Variants in SRSF7 observed in about 807,000 individuals in gnomAD.
The protein encoded by SRSF7 is serine/arginine-rich splicing factor 7.
SRSF7 carries 15 observed loss-of-function variants against 42.2 expected under a neutral mutation model. The ratio of observed to expected loss-of-function variants is 0.36; its 90% CI spans 0.24 to 0.55. The LOEUF is 0.55. SRSF7 is among the 20% of genes least tolerant of loss of function. The probability of loss-of-function intolerance (pLI) is 0.88; values close to 1 mark genes in which losing one functional copy is unlikely to be tolerated. For synonymous variants in SRSF7, 138 were observed against 107.9 expected, an observed-to-expected ratio of 1.28 and a Z score of -1.73; for missense variants, 181 against 305.9, an observed-to-expected ratio of 0.59 and a Z score of 3.04.
chr2:38,746,924 C>A lies in SRSF7; in HGVS notation c.573-177G>T, dbSNP rs184153419. 9.7e-4 allele frequency: 1,035 copies of A among 1,066,894 alleles called. 9 individuals carry two copies. The highest frequency in any genetic ancestry group is 8.1e-3 in the East Asian group (309 of 37,950). 66.1% of individuals were successfully genotyped at this position (1,066,894 alleles called of 1,614,324 possible). A position where few individuals can be genotyped will look rare whatever the true frequency, so the allele number is the denominator to read the frequency against. On this transcript the variant is annotated intron_variant, in intron 5 of 7. Coordinates refer to ENST00000313117, the MANE Select transcript of SRSF7 (RefSeq NM_001031684.3). ...CAAAGTGTTACCAGACATAAGGAAC[C>A]CCCATTTCAATTACTTGTTTCTATC... is the stretch of plus-strand genomic sequence containing the variant.
chr2:38,749,117 G>C, intron 3 of SRSF7: 14 of 1,316,430 alleles, frequency 1.1e-5, no homozygotes, highest in Non-Finnish European at 1.3e-5. Flanking sequence ...CCGGAGGGGG[G>C]CCCCAATTGT....
chr2:38,749,381 G>A, intron 3 of SRSF7, 148 bp downstream of exon 3: 1 of 1,541,836 alleles, frequency 6.5e-7, no homozygotes, highest in Non-Finnish European at 8.7e-7. Context: ...TATTAATATA[G>A]TAACATTTTT....
At position 38,750,122 on chromosome 2, in the gene SRSF7, T is replaced by C; in HGVS notation, c.101A>G (p.Tyr34Cys). ...AATCCATACAGTTCTTAAAGGACCA[T>C]AATAACTGAAAGCCCTTTCTAACTC... ...KGELERAFSY[Y>C]GPLRTVWIAR... The change falls in exon 2 of 8, where the codon TAT (tyrosine) becomes TGT (cysteine). Residue 34 changes from tyrosine (Y) to cysteine (C), a missense_variant. Around this residue, in one of 2 missense-constraint regions of SRSF7, gnomAD observed 45 missense variants for 158.1 expected, o/e 0.28. Transcript: ENST00000313117. 1.2e-6 allele frequency: 2 copies of C among 1,613,608 alleles called. No individual in the cohort carries two copies. The highest frequency in any genetic ancestry group is 1.7e-6 in the Non-Finnish European group (2 of 1,179,834).
rs1470903462 is a variant in SRSF7, at chr2:38,750,998, T to A, written c.28+231A>T. On this transcript the variant is annotated intron_variant, in intron 1 of 7. Coordinates refer to ENST00000313117, the MANE Select transcript of SRSF7 (RefSeq NM_001031684.3). Reference sequence around the variant, plus strand: ...CCGTCATCTCAACCCTGCTTTAGGCTGGATTGGGCCACAAAAATGCCCAAG... The same window carrying A: ...CCGTCATCTCAACCCTGCTTTAGGCAGGATTGGGCCACAAAAATGCCCAAG... 5.6e-6 allele frequency: 3 copies of A among 532,452 alleles called. No homozygotes were observed. In the East Asian group the frequency reaches 9.9e-5, roughly 18 times the overall value. The allele number at this position is 532,452 out of a possible 1,614,324, so 33.0% of individuals were successfully genotyped here. A position where few individuals can be genotyped will look rare whatever the true frequency, so the allele number is the denominator to read the frequency against.
chr2:38,750,939 C>T, intron 1 of SRSF7: 1 of 379,512 alleles, frequency 2.6e-6, no homozygotes, highest in South Asian at 3.1e-5. Flanking sequence ...GGGAGGGGGG[C>T]CGGCGGGCAG....
intron 5 of SRSF7, among the ~76,000 whole-genome samples, 154 bp downstream of exon 5, chr2:38,747,893 A>C (rs1488979305): frequency 1.3e-5 from 2 of 152,240 alleles, no homozygotes; most frequent in Non-Finnish European, 2.9e-5. Flanking sequence ...CTGTAAAACT[A>C]GGTTAATATT....
intron 1 of SRSF7, 118 bp downstream of exon 1, chr2:38,751,111 T>C (rs1668283980): frequency 2.9e-6 from 4 of 1,389,300 alleles, no homozygotes; most frequent in Non-Finnish European, 3.1e-6. Context: ...TCTGGCGTGC[T>C]CCTAAGCCGC....
chr2:38,745,657 G>GA (rs909989473), intron 7 of SRSF7, among the ~76,000 whole-genome samples: 2,037 of 139,874 alleles, frequency 0.015, 38 homozygotes, highest in African/African-American at 0.046. Flanking sequence ...CTCCATCCCA[G>GA]AAAAAAAAAA....
At position 38,745,093 on chromosome 2, in the gene SRSF7, A is replaced by C; in HGVS notation, c.*40T>G. On this transcript the variant is annotated 3_prime_UTR_variant, in exon 8 of 8. Transcript: ENST00000313117. ...CATCACAAATCCCTTATAATAATGT[A>C]AACAAAATAACTTTTCCCTAAAGGG... is the stretch of plus-strand genomic sequence containing the variant. 4 of 1,605,618 alleles carry C rather than the reference A, an allele frequency of 2.5e-6. No homozygotes were observed. The African/African-American group carries it at 5.4e-5, about 22-fold the overall frequency.
At position 38,744,969 on chromosome 2, in the gene SRSF7, A is replaced by C; in HGVS notation, c.*164T>G. ...AGACCATATGATGTTAATACATTCA[A>C]CAAAATTTATATTATCTTACTGCTG... On this transcript the variant is annotated 3_prime_UTR_variant, in exon 8 of 8. Transcript: ENST00000313117. 1 of 643,998 alleles carries C rather than the reference A, an allele frequency of 1.6e-6. No individual in the cohort carries two copies. The highest frequency in any genetic ancestry group is 2.8e-5 in the East Asian group (1 of 36,142). 39.9% of individuals were successfully genotyped at this position (643,998 alleles called of 1,614,324 possible).
In SRSF7 at chr2:38,751,325, A is replaced by C; in HGVS notation, c.-69T>G. 1 of 1,605,558 alleles carries C rather than the reference A, an allele frequency of 6.2e-7. No individual in the cohort carries two copies. The highest frequency in any genetic ancestry group is 1.7e-5 in the Admixed American group (1 of 59,778). On this transcript the variant is annotated 5_prime_UTR_variant, in exon 1 of 8. Transcript: ENST00000313117. ...GGGCTCGAGTGACGCAAAAGCTGAC[A>C]CACACCTTCACCCGCCAAGAGTCCC...
At position 38,751,292 on chromosome 2, in the gene SRSF7, AGCGCCCAGGGCTCGAGT is replaced by A; in HGVS notation, c.-53_-37del. The A allele has an allele frequency of 6.2e-7, 1 of 1,613,996 alleles. No homozygotes were observed. Among genetic ancestry groups the A allele is most frequent in the East Asian group, 2.2e-5 (1 of 44,878 alleles). On this transcript the variant is annotated 5_prime_UTR_variant, in exon 1 of 8. Coordinates refer to ENST00000313117, the MANE Select transcript of SRSF7 (RefSeq NM_001031684.3). ...CCGCGTGCTCGGCTCTTTAGCAAGC[AGCGCCCAGGGCTCGAGT>A]GACGCAAAAGCTGACACACACCTTC... is the stretch of plus-strand genomic sequence containing the variant.
intron 3 of SRSF7, 105 bp from the exon 4 acceptor site, chr2:38,748,758 G>A: frequency 1.1e-5 from 15 of 1,316,566 alleles, no homozygotes; most frequent in Non-Finnish European, 1.5e-5. Flanking sequence ...TAAATTTAGT[G>A]TCTCATTTGG....
chr2:38,746,555 TA>T (rs1220487041), intron 6 of SRSF7, 138 bp downstream of exon 6: 1 of 1,278,750 alleles, frequency 7.8e-7, no homozygotes, highest in Non-Finnish European at 1.1e-6. Context: ...AAATAGGACA[TA>T]CACAAATAAG....
intron 7 of SRSF7, among the ~76,000 whole-genome samples, 198 bp from the exon 8 acceptor site, chr2:38,745,385 G>C (rs1196438001): frequency 6.6e-6 from 1 of 152,144 alleles, no homozygotes; most frequent in African/African-American, 2.4e-5. Context: ...AGGCACGGTG[G>C]CTCACGCCTG....
At chr2:38,748,800 A>ATT in intron 3 of SRSF7, 147 bp from the exon 4 acceptor site, 44 of 1,000,032 alleles carry the variant, frequency 4.4e-5, no homozygotes, top group African/African-American at 3.6e-4. Flanking sequence ...GTTGTTGAGT[A>ATT]TTTTTTTTTT....
intron 3 of SRSF7, 110 bp downstream of exon 3, chr2:38,749,419 C>T (rs1667950208): frequency 1.9e-6 from 3 of 1,568,244 alleles, no homozygotes; most frequent in Non-Finnish European, 2.6e-6. Flanking sequence ...GTAAAATACA[C>T]CTGTACAATT....
At chr2:38,749,059 G>T in intron 3 of SRSF7, 4 of 1,306,066 alleles carry the variant, frequency 3.1e-6, no homozygotes, top group Admixed American at 4.6e-5. Flanking sequence ...GACGCAAGAA[G>T]ATTTTTCTAG....
At chr2:38,745,333 ATTCATCTT>A in intron 7 of SRSF7, 146 bp from the exon 8 acceptor site, 1 of 831,318 alleles carries the variant, frequency 1.2e-6, no homozygotes, top group South Asian at 1.7e-5. Context: ...ACTTACATAT[ATTCATCTT>A]TTGTCCCTGG....
Sources: allele counts gnomAD v4.1 joint callset (sites outside exome capture counted in the v4.1 genomes callset), GRCh38; gene constraint gnomAD v4.1.1; regional missense constraint gnomAD v4.1.1; transcripts MANE v1.5; gene names NCBI Gene and HGNC (gene_info 2026-07-23, HGNC 2026-07-21).